Variants in GRID2 observed in about 807,000 individuals in gnomAD.
GRID2 encodes the protein glutamate receptor ionotropic, delta-2.
A neutral mutation model predicts 114.8 loss-of-function variants in GRID2; 33 were observed. The ratio of observed to expected loss-of-function variants is 0.29; its 90% CI spans 0.22 to 0.38. The LOEUF (loss-of-function observed/expected upper bound fraction) is 0.38, where lower values mean the gene tolerates loss of function less well. Ranked by LOEUF, GRID2 falls within the 10% of genes least tolerant of loss-of-function variation. The pLI, the probability that GRID2 is intolerant of heterozygous loss-of-function variation, is 1.00. For missense variants in GRID2, 1,184 were observed against 1,257.7 expected (o/e 0.94, Z 0.89); for synonymous variants, 505 against 449.9 (o/e 1.12, Z -1.55).
At chr4:92,370,749 C>T (rs919460379) in intron 1 of GRID2, among the ~76,000 whole-genome samples, 9 of 152,084 alleles carry the variant, frequency 5.9e-5, no homozygotes, top group Non-Finnish European at 8.8e-5. Context: ...GTCTGAAATA[C>T]ATTTTGAGTT....
At chr4:93,293,550 G>A (rs1276291277) in intron 8 of GRID2, among the ~76,000 whole-genome samples, 1 of 151,012 alleles carries the variant, frequency 6.6e-6, no homozygotes, top group Non-Finnish European at 1.5e-5. Flanking sequence ...TTAACATCAA[G>A]CAGACTAAAA....
chr4:92,793,962 A>C (rs1407030352), intron 2 of GRID2, among the ~76,000 whole-genome samples: 2 of 151,996 alleles, frequency 1.3e-5, no homozygotes, highest in East Asian at 1.9e-4. Context: ...TTACTGCACA[A>C]ATTTTTAGAA....
intron 2 of GRID2, among the ~76,000 whole-genome samples, chr4:92,635,818 A>G (rs1731039543): frequency 6.6e-6 from 1 of 152,206 alleles, no homozygotes; most frequent in East Asian, 1.9e-4. Flanking sequence ...TAGAAAAGTC[A>G]TTTTATTTAC....
intron 8 of GRID2, among the ~76,000 whole-genome samples, chr4:93,287,067 A>G (rs552434972): frequency 6.6e-6 from 1 of 152,256 alleles, no homozygotes; most frequent in African/African-American, 2.4e-5. Flanking sequence ...TAGATAACTC[A>G]GTAAAAATTG....
At chr4:93,516,447 G>A (rs1054479022) in intron 13 of GRID2, among the ~76,000 whole-genome samples, 3 of 152,098 alleles carry the variant, frequency 2.0e-5, no homozygotes, top group African/African-American at 7.2e-5. Flanking sequence ...GAGAGCTGGT[G>A]ATGCTAACAT....
chr4:92,774,961 C>A (rs2149354616), intron 2 of GRID2, among the ~76,000 whole-genome samples: 1 of 151,996 alleles, frequency 6.6e-6, no homozygotes, highest in African/African-American at 2.4e-5. Context: ...TCTAATCTGT[C>A]CATTATTTAG....
rs112918063 is a variant in GRID2, at chr4:92,502,777, C to T, written c.89-87354C>T. ...CTGTCACCCAGGCTAGAGTGCAGTG[C>T]GGCAATCTCAGCTCACTGCAACCTC... On this transcript the variant is annotated intron_variant, in intron 1 of 15. Transcript: ENST00000282020. 8.6e-3 allele frequency among the ~76,000 whole-genome samples: 1,115 copies of T among 129,006 alleles called. 16 individuals are homozygous for T. Among genetic ancestry groups the T allele is most frequent in the African/African-American group, 0.031 (1,071 of 34,216 alleles). The allele number at this position is 129,006 out of a possible 152,430, so 84.6% of individuals were successfully genotyped here.
chr4:93,195,851 A>G (rs1401392068), intron 4 of GRID2, among the ~76,000 whole-genome samples: 1 of 152,184 alleles, frequency 6.6e-6, no homozygotes, highest in Non-Finnish European at 1.5e-5. Flanking sequence ...ACAGATAAGC[A>G]TACATGTAAA....
At chr4:92,474,778 A>T (rs980127674) in intron 1 of GRID2, among the ~76,000 whole-genome samples, 1 of 151,690 alleles carries the variant, frequency 6.6e-6, no homozygotes, top group East Asian at 1.9e-4. Flanking sequence ...TTTGTCATAT[A>T]CCTGTTGGCC....
chr4:92,439,150 TG>T (rs1186820885), intron 1 of GRID2, among the ~76,000 whole-genome samples: 1 of 141,930 alleles, frequency 7.0e-6, no homozygotes, highest in African/African-American at 2.7e-5. Flanking sequence ...CGGGCAGGAG[TG>T]GGGGTTGCAA....
At chr4:92,614,873 A>C (rs888426246) in intron 2 of GRID2, among the ~76,000 whole-genome samples, 2 of 150,652 alleles carry the variant, frequency 1.3e-5, no homozygotes, top group African/African-American at 4.9e-5. Context: ...TTTAGGTCTC[A>C]GTTTCAGGTA....
downstream of GRID2, among the ~76,000 whole-genome samples, chr4:93,775,510 C>T (rs1014976156): frequency 1.3e-5 from 2 of 152,170 alleles, no homozygotes; most frequent in Non-Finnish European, 2.9e-5. Context: ...AAGTGAGTAC[C>T]TCAGGTTATT....
At chr4:92,766,308 G>A (rs946345037) in intron 2 of GRID2, among the ~76,000 whole-genome samples, 2 of 152,112 alleles carry the variant, frequency 1.3e-5, no homozygotes, top group Non-Finnish European at 2.9e-5. Context: ...GGAGGCCGAG[G>A]TGGGAGGATC....
chr4:93,616,620 A>G (rs1439117833), intron 13 of GRID2, among the ~76,000 whole-genome samples: 1 of 138,048 alleles, frequency 7.2e-6, no homozygotes, highest in Non-Finnish European at 1.5e-5. Flanking sequence ...TTTATAAAAT[A>G]AATATAAAAA....
intron 2 of GRID2, among the ~76,000 whole-genome samples, chr4:92,693,494 C>G (rs908882758): frequency 6.6e-6 from 1 of 152,204 alleles, no homozygotes; most frequent in Non-Finnish European, 1.5e-5. Flanking sequence ...TATTTTCTCA[C>G]GTAATAACTT....
At chr4:93,796,130 C>T (rs892067645) in intron 1 of GRID2, among the ~76,000 whole-genome samples, 10 of 152,218 alleles carry the variant, frequency 6.6e-5, no homozygotes, top group South Asian at 6.2e-4. Flanking sequence ...GATGCCCTCC[C>T]AGGCTTTAAA....
At chr4:92,342,302 T>C (rs975588439) in intron 1 of GRID2, among the ~76,000 whole-genome samples, 2 of 152,128 alleles carry the variant, frequency 1.3e-5, no homozygotes, top group African/African-American at 4.8e-5. Context: ...AGTTAAATAA[T>C]GCATAGAAAT....
chr4:93,531,143 G>A (rs1731400303), intron 13 of GRID2, among the ~76,000 whole-genome samples: 1 of 152,008 alleles, frequency 6.6e-6, no homozygotes, highest in South Asian at 2.1e-4. Flanking sequence ...TGCATTTTTT[G>A]TCTAGAAAGC....
At chr4:93,696,616 C>G (rs1318230376) in intron 14 of GRID2, among the ~76,000 whole-genome samples, 1 of 152,168 alleles carries the variant, frequency 6.6e-6, no homozygotes, top group South Asian at 2.1e-4. Context: ...AGGTTAGTTA[C>G]ATATGTATTG....
Sources: gnomAD v4.1 joint callset for allele counts (sites outside exome capture counted in the v4.1 genomes callset) on GRCh38, gnomAD v4.1.1 for gene constraint, MANE v1.5 for transcripts, NCBI Gene and HGNC (gene_info 2026-07-23, HGNC 2026-07-21) for gene names.